Variants in PTRH1 observed in about 807,000 individuals in gnomAD.
PTRH1 encodes the protein peptidyl-tRNA hydrolase.
In PTRH1, 13 loss-of-function variants were observed where a neutral mutation model predicts 15.7. That is an observed-to-expected ratio of 0.83 (90% CI 0.54 to 1.31). The LOEUF (loss-of-function observed/expected upper bound fraction) is 1.31, where lower values mean the gene tolerates loss of function less well. Among genes scored for constraint, PTRH1 ranks in the 40% most tolerant of loss-of-function variants. The pLI, the probability that PTRH1 is intolerant of heterozygous loss-of-function variation, is 0.00. For synonymous variants in PTRH1, 139 were observed against 136.7 expected, an observed-to-expected ratio of 1.02 and a Z score of -0.12; for missense variants, 319 against 296.2, an observed-to-expected ratio of 1.08 and a Z score of -0.56.
downstream of PTRH1, chr9:127,713,230 G>A (rs1473867982): frequency 1.3e-6 from 2 of 1,508,626 alleles, no homozygotes; most frequent in Non-Finnish European, 1.8e-6. Flanking sequence ...GGGCCCCAGG[G>A]AAAGCAAGGT....
chr9:127,711,541 G>A (rs763940460), downstream of PTRH1: 6 of 1,589,720 alleles, frequency 3.8e-6, no homozygotes, highest in Middle Eastern at 2.0e-4. Flanking sequence ...ATGCAAGGCA[G>A]GAGGCCGCCC....
Position 127,714,027 on chromosome 9 carries a change from T to G in PTRH1, c.*73A>C, listed in dbSNP as rs541795955. 130 of 1,587,542 alleles carry G rather than the reference T, an allele frequency of 8.2e-5. No homozygotes were observed. In the African/African-American group the frequency reaches 1.6e-3, roughly 19 times the overall value. The stretch of plus-strand genomic sequence containing the variant: ...TTGTATAAAAAGTAGATACCAAGGC[T>G]GGCGTGGCAGCTCTGTGGCAGTGGC... On this transcript the variant is annotated 3_prime_UTR_variant, in exon 5 of 5. Coordinates refer to ENST00000543175, the MANE Select transcript of PTRH1 (RefSeq NM_001002913.3).
chr9:127,708,798 G>A (rs971007343), intron 1 of PTRH1, among the ~76,000 whole-genome samples: 1 of 152,254 alleles, frequency 6.6e-6, no homozygotes, highest in Non-Finnish European at 1.5e-5. Flanking sequence ...GTGGCTCAGG[G>A]CCAAGAAGGG....
At chr9:127,701,176 T>C (rs2070964438) in intron 1 of PTRH1, among the ~76,000 whole-genome samples, 2 of 152,224 alleles carry the variant, frequency 1.3e-5, no homozygotes, top group Admixed American at 1.3e-4. Context: ...TCTCTGGTCT[T>C]GGCTGGAGGC....
At chr9:127,710,469 T>C (rs1205897803), downstream of PTRH1, 6 of 1,111,246 alleles carry the variant, frequency 5.4e-6, no homozygotes, top group South Asian at 3.1e-5. Context: ...TGGGGGATGG[T>C]AGACCTGCCC....
At chr9:127,704,879 G>A (rs1296734831) in intron 1 of PTRH1, among the ~76,000 whole-genome samples, 1 of 151,886 alleles carries the variant, frequency 6.6e-6, no homozygotes, top group Non-Finnish European at 1.5e-5. Context: ...CTCCTGAGTA[G>A]CTGGAACTAC....
At chr9:127,702,859 G>A (rs892134516) in intron 1 of PTRH1, among the ~76,000 whole-genome samples, 1 of 151,364 alleles carries the variant, frequency 6.6e-6, no homozygotes, top group African/African-American at 2.4e-5. Context: ...CTACAGGCAT[G>A]TGCCACCACG....
At chr9:127,711,750 G>A, downstream of PTRH1, 3 of 1,509,644 alleles carry the variant, frequency 2.0e-6, no homozygotes, top group Non-Finnish European at 2.7e-6. Flanking sequence ...GGGAACACGG[G>A]AGGCCTGGCT....
chr9:127,709,612 G>A (rs987769519), downstream of PTRH1: 1 of 1,613,840 alleles, frequency 6.2e-7, no homozygotes, highest in Non-Finnish European at 8.5e-7. The surrounding 1 kb of genome is among the most constrained non-coding windows in gnomAD (Gnocchi z 4.7). Flanking sequence ...GGAGAAGGAT[G>A]CCTTCGAGGC....
At chr9:127,712,744 G>T (rs750143880), downstream of PTRH1, 19 of 1,614,070 alleles carry the variant, frequency 1.2e-5, no homozygotes, top group Non-Finnish European at 1.4e-5. Flanking sequence ...ACGTTGACGT[G>T]ACGTTCCAGC....
In PTRH1 at chr9:127,715,539, C is replaced by G; in HGVS notation, c.96+5G>C. 6.2e-7 allele frequency: 1 copy of G among 1,613,492 alleles called. No homozygotes were observed. The highest frequency in any genetic ancestry group is 8.5e-7 in the Non-Finnish European group (1 of 1,180,038). ...GCCCCTACGTCGCCGCCCCACGCCA[C>G]TCACCATCCACCGCTTCCCCGGGGG... On this transcript the variant is annotated splice_donor_5th_base_variant and intron_variant, in intron 1 of 4. Transcript: ENST00000543175. The surrounding 1 kb of genome is among the most constrained non-coding windows in gnomAD (Gnocchi z 5.8).
chr9:127,715,048 C>T lies in PTRH1; in HGVS notation c.243G>A (p.Leu81=). 6.6e-7 allele frequency: 1 copy of T among 1,525,932 alleles called. No individual in the cohort carries two copies. The highest frequency in any genetic ancestry group is 8.8e-7 in the Non-Finnish European group (1 of 1,142,654). 94.5% of individuals were successfully genotyped at this position (1,525,932 alleles called of 1,614,324 possible). A position where few individuals can be genotyped will look rare whatever the true frequency, so the allele number is the denominator to read the frequency against. The part of the protein sequence containing the change: ...HCAADLALAP[L]GDAQLVLLRP... ...GGAGCAGGACCAGTTGGGCATCCCCCAGCGGGGCCAGGGCGAGGTCGGCGG... is the reference window on the plus strand; with the variant it reads ...GGAGCAGGACCAGTTGGGCATCCCCTAGCGGGGCCAGGGCGAGGTCGGCGG... Residue 81 remains leucine, a synonymous_variant, in exon 2 of 5, where the codon CTG becomes CTA. Transcript: ENST00000543175. The surrounding 1 kb of genome is among the most constrained non-coding windows in gnomAD (Gnocchi z 5.8).
At chr9:127,704,557 G>A (rs1166849696) in intron 1 of PTRH1, among the ~76,000 whole-genome samples, 1 of 151,630 alleles carries the variant, frequency 6.6e-6, no homozygotes. Flanking sequence ...AAAAGCCGTT[G>A]GAACCCCAAA....
intron 1 of PTRH1, among the ~76,000 whole-genome samples, chr9:127,706,642 TGCA>T (rs1842652115): frequency 6.6e-6 from 1 of 152,212 alleles, no homozygotes; most frequent in Admixed American, 6.5e-5. Context: ...AGGCCACAGC[TGCA>T]GAACAGGCTT....
chr9:127,706,991 T>TG, intron 1 of PTRH1: 1 of 1,607,438 alleles, frequency 6.2e-7, no homozygotes. Context: ...AGCAACCACC[T>TG]GGCCTCTTCC....
At chr9:127,713,074 C>T (rs1842805346), downstream of PTRH1, 2 of 1,613,852 alleles carry the variant, frequency 1.2e-6, no homozygotes, top group Admixed American at 3.3e-5. Context: ...AGCTCTCTGA[C>T]ATCACCCCCT....
downstream of PTRH1, chr9:127,712,486 G>C (rs183037906): frequency 2.1e-6 from 3 of 1,453,208 alleles, no homozygotes; most frequent in South Asian, 1.4e-5. Flanking sequence ...TCTGTCCTTC[G>C]CTGATTCTGG....
chr9:127,712,487 C>G (rs953206932), downstream of PTRH1: 1 of 1,455,768 alleles, frequency 6.9e-7, no homozygotes, highest in Admixed American at 2.3e-5. Context: ...CTGTCCTTCG[C>G]TGATTCTGGC....
At chr9:127,714,336 C>A (rs1311690555) in intron 4 of PTRH1, 43 bp downstream of exon 4, 3 of 1,614,178 alleles carry the variant, frequency 1.9e-6, no homozygotes, top group Non-Finnish European at 2.5e-6. Flanking sequence ...TGGGGGACCC[C>A]TGGCCCACCC....
Sources: allele counts gnomAD v4.1 joint callset (sites outside exome capture counted in the v4.1 genomes callset), GRCh38; gene constraint gnomAD v4.1.1; non-coding constraint Gnocchi (gnomAD v3.1); transcripts MANE v1.5; gene names NCBI Gene and HGNC (gene_info 2026-07-23, HGNC 2026-07-21).